DYNC1I2: variants seen among roughly 807,000 people sequenced by gnomAD.
The protein encoded by DYNC1I2 is dynein cytoplasmic 1 intermediate chain 2.
DYNC1I2 carries 53 observed loss-of-function variants against 88.6 expected under a neutral mutation model. That is an observed-to-expected ratio of 0.60 (90% CI 0.48 to 0.75). The LOEUF is 0.75. Ranked by LOEUF, DYNC1I2 falls within the 30% of genes least tolerant of loss-of-function variation. DYNC1I2 has a pLI of 0.00. For missense variants in DYNC1I2, 458 were observed against 766.6 expected (o/e 0.60, Z 4.75); for synonymous variants, 198 against 254.6 (o/e 0.78, Z 2.12).
At position 171,747,782 on chromosome 2, in the gene DYNC1I2, G is replaced by A. The variant is rs767323478; in HGVS notation, c.1810G>A (p.Ala604Thr). The change falls in exon 18 of 18, where the codon GCT becomes ACT. Residue 604 changes from alanine (A) to threonine (T), a missense_variant. Coordinates refer to ENST00000397119, the MANE Select transcript of DYNC1I2 (RefSeq NM_001378.3). ...ATTGTCTTTCTTTTAACAGCAGATT[G>A]CTGTTCCCCGCAATGATGAATGGGC... ...IVIYDVGEQI[A>T]VPRNDEWARF... 1.1e-5 allele frequency: 17 copies of A among 1,606,548 alleles called. No individual in the cohort carries two copies. Among genetic ancestry groups the A allele is most frequent in the Middle Eastern group, 2.0e-4 (1 of 5,094 alleles).
At chr2:171,703,407 T>A (rs898633873) in intron 3 of DYNC1I2, among the ~76,000 whole-genome samples, 9 of 139,832 alleles carry the variant, frequency 6.4e-5, no homozygotes, top group Admixed American at 1.4e-4. Context: ...AGCTGATTTT[T>A]TGTAGAGACA....
At chr2:171,691,000 T>G (rs954338185) in intron 2 of DYNC1I2, among the ~76,000 whole-genome samples, 4 of 152,178 alleles carry the variant, frequency 2.6e-5, no homozygotes, top group Admixed American at 2.0e-4. Flanking sequence ...TGTATATATA[T>G]CATAACTTAG....
intron 7 of DYNC1I2, among the ~76,000 whole-genome samples, chr2:171,720,857 T>C (rs1251945896): frequency 6.6e-6 from 1 of 152,186 alleles, no homozygotes; most frequent in Non-Finnish European, 1.5e-5. Flanking sequence ...AAGCATTTGT[T>C]CTTAATCTTG....
intron 3 of DYNC1I2, among the ~76,000 whole-genome samples, chr2:171,702,623 A>G (rs1372817755): frequency 6.6e-6 from 1 of 152,152 alleles, no homozygotes; most frequent in East Asian, 1.9e-4. Flanking sequence ...TAAAAAATCA[A>G]TCTATTGTTT....
At chr2:171,726,564 C>A in intron 10 of DYNC1I2, 1 of 576,168 alleles carries the variant, frequency 1.7e-6, no homozygotes, top group Non-Finnish European at 2.8e-6. Context: ...AATTTGGACA[C>A]ATATTTTAAT....
chr2:171,724,594 C>T (rs1688113459), intron 7 of DYNC1I2, among the ~76,000 whole-genome samples: 1 of 152,098 alleles, frequency 6.6e-6, no homozygotes, highest in Non-Finnish European at 1.5e-5. Context: ...TTGTGTACGT[C>T]GTATGTATGT....
Position 171,691,006 on chromosome 2 carries a change from C to T in DYNC1I2, c.108+743C>T, listed in dbSNP as rs187059046. Reference sequence around the variant, plus strand: ...TAAATATGGTGTATATATATCATAACTTAGTTTGGACTTTGAATTTATCTG... The same window carrying T: ...TAAATATGGTGTATATATATCATAATTTAGTTTGGACTTTGAATTTATCTG... On this transcript the variant is annotated intron_variant, in intron 2 of 17. Coordinates refer to ENST00000397119, the MANE Select transcript of DYNC1I2 (RefSeq NM_001378.3). Among the ~76,000 whole-genome samples, 11 of 152,216 alleles carry T rather than the reference C, an allele frequency of 7.2e-5. 2 individuals carry two copies. In the East Asian group the frequency reaches 1.9e-3, roughly 27 times the overall value.
chr2:171,721,965 T>A (rs981914277), intron 7 of DYNC1I2, among the ~76,000 whole-genome samples: 1 of 152,182 alleles, frequency 6.6e-6, no homozygotes, highest in Non-Finnish European at 1.5e-5. Context: ...TTTAAATGTC[T>A]TGTAATATTT....
intron 15 of DYNC1I2, among the ~76,000 whole-genome samples, chr2:171,740,610 A>C (rs1314052879): frequency 1.3e-5 from 2 of 152,090 alleles, no homozygotes; most frequent in Non-Finnish European, 2.9e-5. Context: ...ATGTAGTTTC[A>C]AGCTGTCTTT....
intron 11 of DYNC1I2, 54 bp from the exon 12 acceptor site, chr2:171,727,767 T>C: frequency 6.5e-7 from 1 of 1,541,128 alleles, no homozygotes; most frequent in Non-Finnish European, 8.9e-7. Flanking sequence ...TTTTTAGAAC[T>C]TGTCAGGCAT....
At chr2:171,713,837 G>A (rs1236314332) in intron 6 of DYNC1I2, among the ~76,000 whole-genome samples, 1 of 152,116 alleles carries the variant, frequency 6.6e-6, no homozygotes, top group East Asian at 1.9e-4. Context: ...CTCTGTAGTG[G>A]CCACACTGAG....
At chr2:171,739,141 G>C in intron 15 of DYNC1I2, among the ~76,000 whole-genome samples, 1 of 151,428 alleles carries the variant, frequency 6.6e-6, no homozygotes, top group East Asian at 1.9e-4. Context: ...TTCTCAGAGT[G>C]AGACTTCATT....
chr2:171,708,024 T>A (rs1686813724), intron 5 of DYNC1I2, among the ~76,000 whole-genome samples: 1 of 151,392 alleles, frequency 6.6e-6, no homozygotes, highest in African/African-American at 2.4e-5. Flanking sequence ...CTTTCAAAGA[T>A]CATATTGGGA....
intron 15 of DYNC1I2, among the ~76,000 whole-genome samples, chr2:171,742,191 A>G (rs999459587): frequency 6.6e-6 from 1 of 150,918 alleles, no homozygotes; most frequent in Non-Finnish European, 1.5e-5. Flanking sequence ...TTATTTTTTG[A>G]GACAAGGTCT....
At chr2:171,714,958 T>TA (rs1396008926) in intron 6 of DYNC1I2, among the ~76,000 whole-genome samples, 1 of 151,906 alleles carries the variant, frequency 6.6e-6, no homozygotes, top group Non-Finnish European at 1.5e-5. Flanking sequence ...GTCTGATTCT[T>TA]AAAAAAAAGT....
chr2:171,721,732 TAGGGATTTTTC>T (rs1166985157), intron 7 of DYNC1I2, among the ~76,000 whole-genome samples: 1 of 152,132 alleles, frequency 6.6e-6, no homozygotes, highest in Non-Finnish European at 1.5e-5. Flanking sequence ...CCTTGTAAGT[TAGGGATTTTTC>T]ATAGGATATT....
chr2:171,695,606 G>A (rs1459353552), intron 3 of DYNC1I2, among the ~76,000 whole-genome samples: 1 of 151,964 alleles, frequency 6.6e-6, no homozygotes, highest in Non-Finnish European at 1.5e-5. Context: ...CATTCCCCCA[G>A]TGCTATGCAC....
chr2:171,721,543 A>G (rs936602143), intron 7 of DYNC1I2, among the ~76,000 whole-genome samples: 4 of 152,204 alleles, frequency 2.6e-5, no homozygotes, highest in African/African-American at 9.6e-5. Flanking sequence ...AATCATTCCT[A>G]TGTAATCTGT....
intron 5 of DYNC1I2, among the ~76,000 whole-genome samples, chr2:171,710,383 A>G (rs1687028592): frequency 6.6e-6 from 1 of 152,200 alleles, no homozygotes; most frequent in Non-Finnish European, 1.5e-5. Context: ...TAATAGGAAA[A>G]TACATGAAGA....
Sources: allele counts gnomAD v4.1 joint callset (sites outside exome capture counted in the v4.1 genomes callset), GRCh38; gene constraint gnomAD v4.1.1; transcripts MANE v1.5; gene names NCBI Gene and HGNC (gene_info 2026-07-23, HGNC 2026-07-21).